Variants in SLC37A1 observed in about 807,000 individuals in gnomAD.
SLC37A1 encodes the protein glucose-6-phosphate exchanger SLC37A1.
Under a neutral mutation model 75.3 loss-of-function variants are expected in SLC37A1, and 49 were observed. The ratio of observed to expected loss-of-function variants is 0.65; its 90% confidence interval spans 0.52 to 0.83. The LOEUF (loss-of-function observed/expected upper bound fraction) is 0.83. Ranked by LOEUF, SLC37A1 falls within the 40% of genes least tolerant of loss-of-function variation. SLC37A1 has a pLI of 0.00. For synonymous variants in SLC37A1, 268 were observed against 292.1 expected (o/e 0.92, Z 0.84); for missense variants, 566 against 695.0 (o/e 0.81, Z 2.09).
At chr21:42,575,425 A>C (rs1399868374) in intron 18 of SLC37A1, 36 of 985,350 alleles carry the variant, frequency 3.7e-5, no homozygotes, top group Non-Finnish European at 9.6e-6. Context: ...GAGAGAATAA[A>C]GGAGCAAAGA....
chr21:42,571,435 A>G (rs1409168069), intron 17 of SLC37A1, among the ~76,000 whole-genome samples: 1 of 152,160 alleles, frequency 6.6e-6, no homozygotes, highest in Non-Finnish European at 1.5e-5. Flanking sequence ...TTTTTCTTCA[A>G]GTTAATTTTT....
upstream of SLC37A1, among the ~76,000 whole-genome samples, chr21:42,510,093 T>C (rs948804653): frequency 2.6e-5 from 4 of 152,238 alleles, no homozygotes; most frequent in East Asian, 5.8e-4. Context: ...AGTGATGCGA[T>C]CTCAGCTCAC....
intron 1 of SLC37A1, among the ~76,000 whole-genome samples, chr21:42,500,352 A>G (rs1452583274): frequency 6.6e-6 from 1 of 152,222 alleles, no homozygotes; most frequent in Non-Finnish European, 1.5e-5. Context: ...ACACATTGCC[A>G]TTTAGTGGAT....
chr21:42,500,145 G>A (rs1048743585), intron 1 of SLC37A1, among the ~76,000 whole-genome samples: 2 of 152,088 alleles, frequency 1.3e-5, no homozygotes, highest in African/African-American at 4.8e-5. Context: ...TAAAAAGCAG[G>A]GACTTTCAAC....
chr21:42,549,143 G>T (rs975162473), intron 9 of SLC37A1, among the ~76,000 whole-genome samples: 10 of 152,106 alleles, frequency 6.6e-5, no homozygotes, highest in Non-Finnish European at 1.3e-4. Flanking sequence ...AAAGCTGCCC[G>T]GACCAGCCGT....
chr21:42,575,013 A>G, intron 18 of SLC37A1, 98 bp downstream of exon 18: 1 of 1,550,336 alleles, frequency 6.5e-7, no homozygotes, highest in South Asian at 1.2e-5. Flanking sequence ...TTCCTGAGTT[A>G]TCAGAGAGGT....
Position 42,518,085 on chromosome 21 carries a change from A to G in SLC37A1, c.-178-192A>G, listed in dbSNP as rs112181056. 1.1e-3 allele frequency among the ~76,000 whole-genome samples: 175 copies of G among 152,318 alleles called. 2 individuals carry two copies. Among genetic ancestry groups the G allele is most frequent in the African/African-American group, 4.0e-3 (165 of 41,568 alleles). ...CCAGGTTCTCAGAACAAACCGCCTC[A>G]AGGGTAGATACTCCACCTCACTCCC... On this transcript the variant is annotated intron_variant, in intron 1 of 19. Transcript: ENST00000352133.
upstream of SLC37A1, among the ~76,000 whole-genome samples, chr21:42,510,632 TTAAGGA>T (rs1472397015): frequency 4.0e-5 from 6 of 151,546 alleles, no homozygotes; most frequent in African/African-American, 1.5e-4. Flanking sequence ...AGACTCAGCT[TTAAGGA>T]TACACATAGG....
At chr21:42,563,777 G>A in intron 12 of SLC37A1, 38 bp from the exon 13 acceptor site, 2 of 1,606,266 alleles carry the variant, frequency 1.2e-6, no homozygotes, top group Non-Finnish European at 1.7e-6. Context: ...GCGTGAAGGA[G>A]ATCCTCACTG....
intron 1 of SLC37A1, among the ~76,000 whole-genome samples, 197 bp from the exon 2 acceptor site, chr21:42,518,080 G>A (rs191819797): frequency 1.2e-4 from 18 of 152,276 alleles, no homozygotes; most frequent in East Asian, 9.6e-4. Context: ...AGAACAAACC[G>A]CCTCAAGGGT....
chr21:42,564,470 G>T lies in SLC37A1; in HGVS notation c.1136-238G>T, dbSNP rs2055920559. On this transcript the variant is annotated intron_variant, in intron 13 of 19. Transcript: ENST00000352133. Reference sequence around the variant, plus strand: ...CCTTAGTACCTTGATAGGTAAAGGGGCTTCGAGGCTGGCCTAAAACCTGAA... The same window carrying T: ...CCTTAGTACCTTGATAGGTAAAGGGTCTTCGAGGCTGGCCTAAAACCTGAA... Among the ~76,000 whole-genome samples, 11 of 152,158 alleles carry T rather than the reference G, an allele frequency of 7.2e-5. No individual in the cohort carries two copies. The South Asian group carries it at 2.3e-3, about 32-fold the overall frequency.
intron 3 of SLC37A1, among the ~76,000 whole-genome samples, chr21:42,526,648 G>A (rs1373231639): frequency 2.6e-5 from 4 of 152,214 alleles, no homozygotes; most frequent in Non-Finnish European, 5.9e-5. Context: ...CTGGTCGGCA[G>A]AGGCAATGCA....
chr21:42,532,804 T>C (rs369671105), intron 3 of SLC37A1, among the ~76,000 whole-genome samples: 178 of 152,308 alleles, frequency 1.2e-3, no homozygotes, highest in African/African-American at 4.0e-3. Context: ...GAGGTCAGCA[T>C]GGCGCCTCCA....
rs770059874 is a variant in SLC37A1 at position 42,566,578 on chromosome 21, C to G, written c.1271-407C>G. Among the ~76,000 whole-genome samples, 85 of 152,280 alleles carry G rather than the reference C, an allele frequency of 5.6e-4. 1 individual carries two copies. Among genetic ancestry groups the G allele is most frequent in the Non-Finnish European group, 1.0e-3 (71 of 68,016 alleles). ...GAGGAAGCGGAATTTCCTGTGACCC[C>G]CCCTCAGGCCAGAAGCTTCCTCACC... On this transcript the variant is annotated intron_variant, in intron 15 of 19. Transcript: ENST00000352133.
chr21:42,538,214 C>T (rs1157886279), intron 5 of SLC37A1, among the ~76,000 whole-genome samples: 3 of 152,206 alleles, frequency 2.0e-5, no homozygotes, highest in Non-Finnish European at 4.4e-5. Context: ...GGACCTATCT[C>T]CTGGTCTCTG....
At chr21:42,579,308 G>T (rs17767630) in intron 18 of SLC37A1, among the ~76,000 whole-genome samples, 13,354 of 152,282 alleles carry the variant, frequency 0.088, 806 homozygotes, top group Non-Finnish European at 0.13. Flanking sequence ...CCTGGCTTTA[G>T]AGTCACCTGA....
At chr21:42,566,581 CT>C (rs754371226) in intron 15 of SLC37A1, among the ~76,000 whole-genome samples, 36 of 152,320 alleles carry the variant, frequency 2.4e-4, no homozygotes, top group Admixed American at 3.3e-4. Context: ...GTGACCCCCC[CT>C]CAGGCCAGAA....
intron 8 of SLC37A1, among the ~76,000 whole-genome samples, chr21:42,546,244 A>G (rs187182594): frequency 1.2e-4 from 19 of 152,334 alleles, no homozygotes; most frequent in Admixed American, 1.2e-3. Flanking sequence ...TGCTCGGGGC[A>G]GGTTGCTGGT....
At position 42,552,390 on chromosome 21, in the gene SLC37A1, C is replaced by A. The variant is rs1402996845; in HGVS notation, c.769-1672C>A. Among the ~76,000 whole-genome samples, 1 of 152,188 alleles carries A rather than the reference C, an allele frequency of 6.6e-6. No individual in the cohort carries two copies. Among genetic ancestry groups the A allele is most frequent in the Non-Finnish European group, 1.5e-5 (1 of 68,028 alleles). On this transcript the variant is annotated intron_variant, in intron 9 of 19. Coordinates refer to ENST00000352133, the MANE Select transcript of SLC37A1 (RefSeq NM_001320537.2). This position sits in a 1 kb window ranked among gnomAD's most constrained non-coding sequence, Gnocchi z 4.2. The stretch of plus-strand genomic sequence containing the variant: ...TGGGAAGGTATTTCTCTCTTCTATT[C>A]AAGAAATCTGGAGAGAGCCAGCCCA...
Sources: gnomAD v4.1 joint callset for allele counts (sites outside exome capture counted in the v4.1 genomes callset) on GRCh38, gnomAD v4.1.1 for gene constraint, Gnocchi (gnomAD v3.1) non-coding constraint, MANE v1.5 for transcripts, NCBI Gene and HGNC (gene_info 2026-07-23, HGNC 2026-07-21) for gene names.